The following PHACTR2 variants were observed in gnomAD, a reference collection of about 807,000 sequenced individuals.
PHACTR2 encodes the protein phosphatase and actin regulator 2.
In PHACTR2, 30 loss-of-function variants were observed where a neutral mutation model predicts 76.0. The observed-to-expected ratio is 0.39, with a 90% CI of 0.30 to 0.54. The LOEUF is 0.54. Among genes scored for constraint, PHACTR2 ranks in the 20% least tolerant of loss-of-function variants. The pLI, the probability that PHACTR2 is intolerant of heterozygous loss-of-function variation, is 0.61. For missense variants in PHACTR2, 696 were observed against 781.1 expected (o/e 0.89, Z 1.30); for synonymous variants, 292 against 292.5 (o/e 1.00, Z 0.02).
At chr6:143,702,932 T>C (rs1235075308) in intron 1 of PHACTR2, among the ~76,000 whole-genome samples, 2 of 150,706 alleles carry the variant, frequency 1.3e-5, no homozygotes, top group African/African-American at 4.9e-5. Context: ...GGGAAAAAAG[T>C]TTATAGATGA....
chr6:143,735,060 T>A (rs1373728164), intron 2 of PHACTR2, among the ~76,000 whole-genome samples: 1 of 152,216 alleles, frequency 6.6e-6, no homozygotes, highest in Non-Finnish European at 1.5e-5. Context: ...GATTTATTTC[T>A]CACTTAGAAT....
rs1317318761 is a variant in PHACTR2 at position 143,554,580 on chromosome 6, C to T, written c.217+17373C>T. On this transcript the variant is annotated intron_variant, in intron 1 of 11. Coordinates refer to the PHACTR2 transcript ENST00000367584. This position sits in a 1 kb window ranked among gnomAD's most constrained non-coding sequence, Gnocchi z 5.9. The stretch of plus-strand genomic sequence containing the variant: ...CTGAAGACAGGACAGGATGATCAGC[C>T]CTCACCTGAGGAAAGGTGAAGGGCT... The T allele has an allele frequency of 1.3e-5, 2 of 152,072 alleles. No homozygotes were observed. The highest frequency in any genetic ancestry group is 4.8e-5 in the African/African-American group (2 of 41,364). 9.4% of individuals were successfully genotyped at this position (152,072 alleles called of 1,614,324 possible). A position where few individuals can be genotyped will look rare whatever the true frequency, so the allele number is the denominator to read the frequency against.
At chr6:143,620,129 A>C (rs1047287434) in intron 1 of PHACTR2, among the ~76,000 whole-genome samples, 10 of 152,224 alleles carry the variant, frequency 6.6e-5, no homozygotes, top group Admixed American at 5.9e-4. Flanking sequence ...CTTTGTTTTT[A>C]AAATCCAGAC....
intron 9 of PHACTR2, among the ~76,000 whole-genome samples, chr6:143,779,819 A>G (rs866690312): frequency 6.6e-6 from 1 of 151,666 alleles, no homozygotes; most frequent in Middle Eastern, 3.5e-3. Flanking sequence ...TCAATTCACC[A>G]TGCCAGTCCT....
chr6:143,667,373 T>C (rs573086473), intron 1 of PHACTR2, among the ~76,000 whole-genome samples: 1 of 152,370 alleles, frequency 6.6e-6, no homozygotes, highest in South Asian at 2.1e-4. Flanking sequence ...TCTTTTTTGG[T>C]TCTATATGAA....
At position 143,553,603 on chromosome 6, in the gene PHACTR2, A is replaced by G. The variant is rs923496791; in HGVS notation, c.217+16396A>G. 2.0e-5 allele frequency among the ~76,000 whole-genome samples: 3 copies of G among 152,212 alleles called. No individual in the cohort carries two copies. The highest frequency in any genetic ancestry group is 7.2e-5 in the African/African-American group (3 of 41,450). ...TCAGACAGGCACTTTAAGGTGAGTT[A>G]AGGTCATTCTAGAGATGCAGGCCTT... On this transcript the variant is annotated intron_variant, in intron 1 of 11. Coordinates refer to the PHACTR2 transcript ENST00000367584. This position sits in a 1 kb window ranked among gnomAD's most constrained non-coding sequence, Gnocchi z 4.2.
At position 143,646,050 on chromosome 6, in the gene PHACTR2, A is replaced by G. The variant is rs932563455; in HGVS notation, c.13+37728A>G. 1.3e-5 allele frequency among the ~76,000 whole-genome samples: 2 copies of G among 152,224 alleles called. No homozygotes were observed. The highest frequency in any genetic ancestry group is 4.8e-5 in the African/African-American group (2 of 41,472). On this transcript the variant is annotated intron_variant, in intron 1 of 11. Transcript: ENST00000305766. This position sits in a 1 kb window ranked among gnomAD's most constrained non-coding sequence, Gnocchi z 4.1. ...AAAAACTGGAGAAGAATAATTATGC[A>G]GAGATAAACGTGTCAGAAACAATAG...
At chr6:143,734,415 A>G (rs989146746) in intron 2 of PHACTR2, among the ~76,000 whole-genome samples, 1 of 152,246 alleles carries the variant, frequency 6.6e-6, no homozygotes, top group African/African-American at 2.4e-5. Flanking sequence ...CTGGATTTAA[A>G]TGGGTTGCAC....
In PHACTR2 at chr6:143,764,538, G is replaced by A. The variant is rs1463699392; in HGVS notation, c.695-723G>A. On this transcript the variant is annotated intron_variant, in intron 5 of 12. Transcript: ENST00000440869. The surrounding 1 kb of genome is among the most constrained non-coding windows in gnomAD (Gnocchi z 4.7). ...CTTGTCTCAAAAAAAAAAAAAAAAAGGAGCAACCCATGTAAATAGGTTTTG... is the reference window on the plus strand; with the variant it reads ...CTTGTCTCAAAAAAAAAAAAAAAAAAGAGCAACCCATGTAAATAGGTTTTG... Among the ~76,000 whole-genome samples, 4 of 148,134 alleles carry A rather than the reference G, an allele frequency of 2.7e-5. No homozygotes were observed. The highest frequency in any genetic ancestry group is 7.5e-5 in the African/African-American group (3 of 40,218).
Position 143,712,152 on chromosome 6 carries a change from GA to G in PHACTR2, c.184del (p.Thr62ProfsTer12). The G allele has an allele frequency of 6.4e-7, 1 of 1,550,884 alleles. No homozygotes were observed. Among genetic ancestry groups the G allele is most frequent in the Non-Finnish European group, 8.7e-7 (1 of 1,153,654 alleles). On this transcript the variant is annotated frameshift_variant, in exon 2 of 13. Coordinates refer to ENST00000440869, the MANE Select transcript of PHACTR2 (RefSeq NM_001100164.2). LOFTEE classifies it high-confidence loss of function. ...AGCCTTGGAAATGGAGGAAAAAGAA[GA>G]CCAGCGACAAATTTAGAGAAACCTC... ...FKPWKWRKKK[T>X]SDKFRETSAV...
chr6:143,673,882 A>C (rs1477733156), upstream of PHACTR2, among the ~76,000 whole-genome samples: 1 of 152,036 alleles, frequency 6.6e-6, no homozygotes, highest in Non-Finnish European at 1.5e-5. Flanking sequence ...AGCAAGCAGA[A>C]GAAGGAAAAC....
rs1202718726 is a variant in PHACTR2 at position 143,772,014 on chromosome 6, G to A, written c.1233-244G>A. 2.0e-5 allele frequency among the ~76,000 whole-genome samples: 3 copies of A among 152,310 alleles called. No homozygotes were observed. Among genetic ancestry groups the A allele is most frequent in the Admixed American group, 6.5e-5 (1 of 15,300 alleles). ...TGAAGGAAAAAATAATTTGCAAAAT[G>A]TAGTTTTACCCTATTTGTTTGCTAA... is the stretch of plus-strand genomic sequence containing the variant. On this transcript the variant is annotated intron_variant, in intron 6 of 12. Transcript: ENST00000440869. This position sits in a 1 kb window ranked among gnomAD's most constrained non-coding sequence, Gnocchi z 5.4.
Position 143,546,357 on chromosome 6 carries a change from TAA to T in PHACTR2, c.217+9164_217+9165del, listed in dbSNP as rs57905621. Among the ~76,000 whole-genome samples, 1,446 of 143,170 alleles carry T rather than the reference TAA, an allele frequency of 0.01. 13 individuals are homozygous for T. The highest frequency in any genetic ancestry group is 0.012 in the Non-Finnish European group (775 of 65,418). 93.9% of individuals were successfully genotyped at this position (143,170 alleles called of 152,430 possible). On this transcript the variant is annotated intron_variant, in intron 1 of 11. Transcript: ENST00000367584. This position sits in a 1 kb window ranked among gnomAD's most constrained non-coding sequence, Gnocchi z 4.9. ...TCGTAACAGGAAGAAACTTGTGACT[TAA>T]AAAAAAAAAAAAACATGTTATCTCT...
chr6:143,745,252 G>A (rs559011257), intron 2 of PHACTR2, among the ~76,000 whole-genome samples: 1 of 152,308 alleles, frequency 6.6e-6, no homozygotes, highest in African/African-American at 2.4e-5. Flanking sequence ...TGATGACCTG[G>A]AGCCGACTGC....
intron 1 of PHACTR2, among the ~76,000 whole-genome samples, chr6:143,703,156 T>TAAAAA (rs57738495): frequency 1.6e-4 from 15 of 91,078 alleles, no homozygotes; most frequent in East Asian, 9.6e-4. Flanking sequence ...AAAAAATTAC[T>TAAAAA]AAAAAAAAAA....
intron 1 of PHACTR2, among the ~76,000 whole-genome samples, chr6:143,690,324 C>T (rs1489246866): frequency 6.6e-6 from 1 of 152,196 alleles, no homozygotes; most frequent in Non-Finnish European, 1.5e-5. Flanking sequence ...CAGCTGTTGT[C>T]TTGGGATCTC....
chr6:143,734,370 A>C (rs1224185666), intron 2 of PHACTR2, among the ~76,000 whole-genome samples: 2 of 152,202 alleles, frequency 1.3e-5, no homozygotes, highest in Admixed American at 1.3e-4. Flanking sequence ...ACATTCTGGA[A>C]AAAGTGGGAT....
At chr6:143,715,616 T>C (rs1778284016) in intron 2 of PHACTR2, among the ~76,000 whole-genome samples, 1 of 152,206 alleles carries the variant, frequency 6.6e-6, no homozygotes, top group Non-Finnish European at 1.5e-5. Context: ...CCTGCCCTCA[T>C]GGAGCTTTCA....
intron 1 of PHACTR2, among the ~76,000 whole-genome samples, chr6:143,615,179 A>G (rs1200913143): frequency 6.6e-6 from 1 of 152,208 alleles, no homozygotes; most frequent in African/African-American, 2.4e-5. Flanking sequence ...GCTGAGGCTA[A>G]GAGCTCACCC....
Sources: gnomAD v4.1 joint callset for allele counts (sites outside exome capture counted in the v4.1 genomes callset) on GRCh38, gnomAD v4.1.1 for gene constraint, Gnocchi (gnomAD v3.1) non-coding constraint, MANE v1.5 for transcripts, NCBI Gene and HGNC (gene_info 2026-07-23, HGNC 2026-07-21) for gene names.